RGPD2: variants seen among roughly 807,000 people sequenced by gnomAD.
RGPD2 encodes RANBP2 like and GRIP domain containing 2, also known as RANBP2-like and GRIP domain-containing protein 2.
Under a neutral mutation model 36.0 loss-of-function variants are expected in RGPD2, and 2 were observed. The ratio of observed to expected loss-of-function variants is 0.06; its 90% CI spans 0.02 to 0.17. The LOEUF is 0.17. Among genes scored for constraint, RGPD2 ranks in the 10% least tolerant of loss-of-function variants. The pLI, the probability that RGPD2 is intolerant of heterozygous loss-of-function variation, is 1.00. For missense variants in RGPD2, 40 were observed against 464.3 expected, an observed-to-expected ratio of 0.09 and a Z score of 8.40; for synonymous variants, 19 against 163.8, an observed-to-expected ratio of 0.12 and a Z score of 6.75.
chr2:87,886,901 A>C, the RGPD2 span, among the ~76,000 whole-genome samples: 1 of 151,930 alleles, frequency 6.6e-6, no homozygotes, highest in Non-Finnish European at 1.5e-5. Context: ...GAGGTTAAGC[A>C]TGTACCCAAG....
intron 7 of RGPD2, among the ~76,000 whole-genome samples, chr2:87,805,677 G>A (rs1323375626): frequency 1.9e-3 from 296 of 152,154 alleles, no homozygotes; most frequent in African/African-American, 6.8e-3. Context: ...GGCTAACACG[G>A]TGAAACCCCG....
At chr2:87,867,764 T>C in the RGPD2 span, among the ~76,000 whole-genome samples, 1 of 148,012 alleles carries the variant, frequency 6.8e-6, no homozygotes, top group Non-Finnish European at 1.5e-5. Flanking sequence ...TTATTTGACA[T>C]ATACAATATA....
the RGPD2 span, among the ~76,000 whole-genome samples, chr2:87,857,381 T>C: frequency 4.6e-5 from 7 of 151,946 alleles, no homozygotes; most frequent in South Asian, 4.1e-4. Flanking sequence ...CTCGCTCTGT[T>C]GCCCAGGCTG....
chr2:87,977,419 T>C, the RGPD2 span, among the ~76,000 whole-genome samples: 1 of 146,988 alleles, frequency 6.8e-6, no homozygotes, highest in African/African-American at 2.6e-5. Context: ...TAAAATACAA[T>C]GTTTTAACTC....
At chr2:87,940,822 A>G in the RGPD2 span, among the ~76,000 whole-genome samples, 1 of 151,430 alleles carries the variant, frequency 6.6e-6, no homozygotes, top group South Asian at 2.1e-4. Flanking sequence ...AAATCAATTT[A>G]AAGAAACAAT....
chr2:87,988,067 T>A, the RGPD2 span, among the ~76,000 whole-genome samples: 7 of 152,196 alleles, frequency 4.6e-5, no homozygotes, highest in Non-Finnish European at 8.8e-5. Context: ...AATGAAAAAG[T>A]CATTCTTGTC....
the RGPD2 span, among the ~76,000 whole-genome samples, chr2:87,930,514 T>C: frequency 2.6e-5 from 4 of 152,050 alleles, no homozygotes; most frequent in African/African-American, 4.8e-5. Context: ...ATCAAAGATA[T>C]GGGCCTGAAG....
chr2:87,876,304 A>T, the RGPD2 span, among the ~76,000 whole-genome samples: 1 of 150,682 alleles, frequency 6.6e-6, no homozygotes, highest in Admixed American at 6.6e-5. Flanking sequence ...TTTTTGTTAA[A>T]AAAATTTGTG....
the RGPD2 span, among the ~76,000 whole-genome samples, chr2:87,978,439 T>G: frequency 1.2e-5 from 1 of 85,952 alleles, no homozygotes; most frequent in Non-Finnish European, 2.5e-5. Context: ...ATTTTCAAAT[T>G]TTTTTGGTAG....
upstream of RGPD2, among the ~76,000 whole-genome samples, chr2:87,829,415 C>G (rs1686912699): frequency 6.8e-6 from 1 of 147,038 alleles, no homozygotes; most frequent in Non-Finnish European, 1.5e-5. Context: ...TGTCTAGAAC[C>G]CAATAAAAAA....
At chr2:87,824,779 CGAGGCCG>C (rs1686584909) in intron 1 of RGPD2, among the ~76,000 whole-genome samples, 5 of 39,936 alleles carry the variant, frequency 1.3e-4, no homozygotes, top group African/African-American at 2.5e-4. Flanking sequence ...CCGGCCAGGC[CGAGGCCG>C]AGGCCGAGGC....
chr2:87,841,267 C>A, the RGPD2 span, among the ~76,000 whole-genome samples: 4 of 151,776 alleles, frequency 2.6e-5, no homozygotes, highest in African/African-American at 7.3e-5. Context: ...TCCCTCCTCC[C>A]GCTTCACCTT....
chr2:87,915,576 G>A, the RGPD2 span, among the ~76,000 whole-genome samples: 33 of 140,790 alleles, frequency 2.3e-4, no homozygotes, highest in African/African-American at 5.8e-4. Flanking sequence ...ACACATATAT[G>A]TGTGTGTATA....
chr2:87,917,817 A>G, the RGPD2 span, among the ~76,000 whole-genome samples: 5 of 118,618 alleles, frequency 4.2e-5, no homozygotes, highest in Admixed American at 1.6e-4. Context: ...CAGTCATGCT[A>G]ATGTTTGGAT....
the RGPD2 span, among the ~76,000 whole-genome samples, chr2:87,947,874 C>T: frequency 6.6e-6 from 1 of 152,270 alleles, no homozygotes; most frequent in Non-Finnish European, 1.5e-5. Flanking sequence ...CACGTATTTC[C>T]TGCCTTAAAG....
chr2:87,892,691 A>ATT, the RGPD2 span, among the ~76,000 whole-genome samples: 1,437 of 150,694 alleles, frequency 9.5e-3, 2 homozygotes, highest in South Asian at 0.055. Flanking sequence ...CAGTTGATGT[A>ATT]TTTATTAATA....
chr2:87,791,810 T>C (rs1685744894), intron 17 of RGPD2, among the ~76,000 whole-genome samples, 180 bp downstream of exon 17: 1 of 31,000 alleles, frequency 3.2e-5, no homozygotes. Flanking sequence ...ACCACTGTAC[T>C]GCAGCCTGCA....
At chr2:87,902,033 T>G in the RGPD2 span, among the ~76,000 whole-genome samples, 2 of 152,142 alleles carry the variant, frequency 1.3e-5, no homozygotes, top group East Asian at 3.9e-4. Context: ...GGTACTCCTC[T>G]CTAGGGTAGT....
At chr2:87,966,633 A>C in the RGPD2 span, among the ~76,000 whole-genome samples, 3 of 152,388 alleles carry the variant, frequency 2.0e-5, no homozygotes, top group South Asian at 6.2e-4. Context: ...ATTAGAACTT[A>C]ATGCCTAGAA....
Sources: allele counts gnomAD v4.1 joint callset (sites outside exome capture counted in the v4.1 genomes callset), GRCh38; gene constraint gnomAD v4.1.1; transcripts MANE v1.5; gene names NCBI Gene and HGNC (gene_info 2026-07-23, HGNC 2026-07-21).